Variants in ANTXR1 observed in about 807,000 individuals in gnomAD.
The protein encoded by ANTXR1 is ANTXR cell adhesion molecule 1.
A neutral mutation model predicts 78.1 loss-of-function variants in ANTXR1; 19 were observed. The observed-to-expected ratio is 0.24, with a 90% CI of 0.17 to 0.36. The LOEUF (loss-of-function observed/expected upper bound fraction) is 0.36. ANTXR1 is among the 10% of genes least tolerant of loss of function. The probability of loss-of-function intolerance (pLI) is 1.00; values close to 1 mark genes in which losing one functional copy is unlikely to be tolerated. For missense variants in ANTXR1, 518 were observed against 718.6 expected (o/e 0.72, Z 3.19); for synonymous variants, 273 against 260.5 (o/e 1.05, Z -0.46).
intron 3 of ANTXR1, among the ~76,000 whole-genome samples, chr2:69,055,190 C>G (rs540067767): frequency 8.5e-5 from 13 of 152,168 alleles, no homozygotes; most frequent in Non-Finnish European, 1.8e-4. Context: ...CAAATCATCA[C>G]AGTAGGCCCA....
At chr2:69,080,332 C>A (rs1487709785) in intron 8 of ANTXR1, among the ~76,000 whole-genome samples, 9 of 152,156 alleles carry the variant, frequency 5.9e-5, no homozygotes, top group African/African-American at 1.9e-4. Flanking sequence ...ATTTCCCCCC[C>A]ATCTGAAGCC....
chr2:69,131,093 CA>C (rs199952684), intron 12 of ANTXR1, among the ~76,000 whole-genome samples: 3 of 151,486 alleles, frequency 2.0e-5, no homozygotes, highest in South Asian at 2.1e-4. Context: ...TCTGTTGCCA[CA>C]AAAAAAAATC....
intron 17 of ANTXR1, among the ~76,000 whole-genome samples, chr2:69,200,359 A>T (rs1479823021): frequency 2.0e-5 from 3 of 152,224 alleles, no homozygotes; most frequent in African/African-American, 7.2e-5. Flanking sequence ...GCTGTTTCCA[A>T]TAAGGGCGTG....
chr2:69,086,929 A>G (rs564901688), intron 8 of ANTXR1, among the ~76,000 whole-genome samples: 36 of 152,246 alleles, frequency 2.4e-4, no homozygotes, highest in South Asian at 1.2e-3. Context: ...GTTTTCCTTG[A>G]TCTCATGCTC....
At chr2:69,242,265 C>A (rs2104533443) in intron 17 of ANTXR1, among the ~76,000 whole-genome samples, 1 of 152,318 alleles carries the variant, frequency 6.6e-6, no homozygotes, top group African/African-American at 2.4e-5. Context: ...GGTCTTCCTC[C>A]CCACCTCACT....
chr2:69,104,305 T>G (rs1671735419), intron 10 of ANTXR1, among the ~76,000 whole-genome samples: 2 of 152,172 alleles, frequency 1.3e-5, no homozygotes, highest in Non-Finnish European at 2.9e-5. Flanking sequence ...TATGGATATT[T>G]CCTTCTTGAC....
At chr2:69,059,470 C>T (rs1000237862) in intron 3 of ANTXR1, among the ~76,000 whole-genome samples, 5 of 148,440 alleles carry the variant, frequency 3.4e-5, no homozygotes, top group Admixed American at 2.7e-4. Context: ...TATTTTTCAT[C>T]GAAGTGTGTA....
In ANTXR1 at chr2:69,193,307, T is replaced by A. The variant is rs375458130; in HGVS notation, c.1354-28T>A. On this transcript the variant is annotated intron_variant, in intron 16 of 17. Coordinates refer to ENST00000303714, the MANE Select transcript of ANTXR1 (RefSeq NM_032208.3). ...CTAGCCACAGGTCTGGTTTCATATGTAATCTTGGTGCATTTGTTTTATTTC... is the reference window on the plus strand; with the variant it reads ...CTAGCCACAGGTCTGGTTTCATATGAAATCTTGGTGCATTTGTTTTATTTC... The A allele has an allele frequency of 2.0e-3, 3,268 of 1,610,808 alleles. 6 individuals carry two copies. Among genetic ancestry groups the A allele is most frequent in the Non-Finnish European group, 2.6e-3 (3,084 of 1,177,216 alleles).
At chr2:69,073,997 A>G (rs1478568472) in intron 6 of ANTXR1, among the ~76,000 whole-genome samples, 1 of 152,186 alleles carries the variant, frequency 6.6e-6, no homozygotes, top group Admixed American at 6.5e-5. Flanking sequence ...AACACAAAAT[A>G]TATATTCATT....
At chr2:69,163,695 G>A (rs1573945909) in intron 13 of ANTXR1, among the ~76,000 whole-genome samples, 1 of 152,298 alleles carries the variant, frequency 6.6e-6, no homozygotes, top group African/African-American at 2.4e-5. Flanking sequence ...GCATTCAGGA[G>A]CGCCATACAT....
intron 12 of ANTXR1, among the ~76,000 whole-genome samples, chr2:69,151,140 C>CATTATT (rs200419533): frequency 7.1e-6 from 1 of 141,296 alleles, no homozygotes; most frequent in Non-Finnish European, 1.5e-5. Context: ...TTTATGTTTT[C>CATTATT]ATTATTATTA....
At chr2:69,069,593 T>C (rs1422127627) in intron 3 of ANTXR1, among the ~76,000 whole-genome samples, 1 of 152,192 alleles carries the variant, frequency 6.6e-6, no homozygotes, top group East Asian at 1.9e-4. Context: ...AAAGCCTTTT[T>C]TGAGTCAGGT....
rs1210959445 is a variant in ANTXR1, at chr2:69,135,937, C to T, written c.951+11294C>T. 7.2e-5 allele frequency among the ~76,000 whole-genome samples: 11 copies of T among 152,008 alleles called. No homozygotes were observed. In the East Asian group the frequency reaches 1.7e-3, roughly 24 times the overall value. On this transcript the variant is annotated intron_variant, in intron 12 of 17. Transcript: ENST00000303714. ...AATAGGGTCCAAAGTTTTTTGGTTG[C>T]GTACAATGAAGACTTATGCAACTAT... is the stretch of plus-strand genomic sequence containing the variant.
intron 17 of ANTXR1, among the ~76,000 whole-genome samples, chr2:69,239,795 G>T (rs1471691348): frequency 6.6e-6 from 1 of 152,148 alleles, no homozygotes; most frequent in African/African-American, 2.4e-5. Context: ...AAATGCCTCA[G>T]ACCATCAATG....
At chr2:69,122,871 T>G in intron 10 of ANTXR1, 146 bp from the exon 11 acceptor site, 1 of 807,650 alleles carries the variant, frequency 1.2e-6, no homozygotes, top group Non-Finnish European at 2.1e-6. Context: ...TGCGATAGTT[T>G]GCTGTACAGC....
chr2:69,103,451 G>T (rs911012507), intron 10 of ANTXR1: 1 of 176,132 alleles, frequency 5.7e-6, no homozygotes, highest in Non-Finnish European at 1.2e-5. Context: ...TGCACATGTA[G>T]ATTCTGCAGC....
At chr2:69,124,787 T>G in intron 12 of ANTXR1, 144 bp downstream of exon 12, 3 of 821,646 alleles carry the variant, frequency 3.7e-6, no homozygotes, top group Non-Finnish European at 6.1e-6. Context: ...CCAGCACTGC[T>G]CCACCAGCCC....
chr2:69,155,762 T>A (rs1673503957), intron 13 of ANTXR1, among the ~76,000 whole-genome samples: 1 of 152,138 alleles, frequency 6.6e-6, no homozygotes, highest in African/African-American at 2.4e-5. Flanking sequence ...CAAGAGCCAA[T>A]GCCCTGATGG....
Position 69,245,708 on chromosome 2 carries a change from C to T in ANTXR1, c.*223C>T. On this transcript the variant is annotated 3_prime_UTR_variant, in exon 18 of 18. Transcript: ENST00000303714. ...GAGGCAACTACAGTCAGATTTATAG[C>T]CAGCCATCTATCACCTCTAGAAGGT... is the stretch of plus-strand genomic sequence containing the variant. 3.4e-6 allele frequency: 2 copies of T among 588,208 alleles called. No individual in the cohort carries two copies. Among genetic ancestry groups the T allele is most frequent in the Non-Finnish European group, 5.9e-6 (2 of 340,592 alleles). The allele number at this position is 588,208 out of a possible 1,614,324, so 36.4% of individuals were successfully genotyped here.
Sources: allele counts gnomAD v4.1 joint callset (sites outside exome capture counted in the v4.1 genomes callset), GRCh38; gene constraint gnomAD v4.1.1; transcripts MANE v1.5; gene names NCBI Gene and HGNC (gene_info 2026-07-23, HGNC 2026-07-21).